RBPJ: variants seen among roughly 807,000 people sequenced by gnomAD.
RBPJ encodes the protein recombination signal binding protein for immunoglobulin kappa J region, also known as recombining binding protein suppressor of hairless.
Under a neutral mutation model 67.8 loss-of-function variants are expected in RBPJ, and 9 were observed. That is an observed-to-expected ratio of 0.13 (90% confidence interval 0.08 to 0.23). RBPJ has a LOEUF of 0.23. Among genes scored for constraint, RBPJ ranks in the 10% least tolerant of loss-of-function variants. The probability of loss-of-function intolerance (pLI) is 1.00; values close to 1 mark genes in which losing one functional copy is unlikely to be tolerated. For missense variants in RBPJ, 305 were observed against 595.6 expected (o/e 0.51, Z 5.08); for synonymous variants, 198 against 203.3 (o/e 0.97, Z 0.22).
intron 1 of RBPJ, among the ~76,000 whole-genome samples, chr4:26,291,767 G>T (rs1721678315): frequency 6.7e-6 from 1 of 150,356 alleles, no homozygotes; most frequent in African/African-American, 2.4e-5. Context: ...ATAGAGACAG[G>T]GTTTCACCAT....
intron 1 of RBPJ, among the ~76,000 whole-genome samples, chr4:26,225,982 T>C (rs1719061515): frequency 6.6e-6 from 1 of 151,712 alleles, no homozygotes. Flanking sequence ...ACCTTGTCTC[T>C]ACTAAAAATA....
rs71643604 is a variant in RBPJ at position 26,254,843 on chromosome 4, A to ATTTTTTTTTT, written c.-167+91257_-167+91266dup. ...CAGGTGCATGCCACCATGCCCAGCT[A>ATTTTTTTTTT]TTTTTTTTTTTTTTTTTTTTTTTTT... On this transcript the variant is annotated intron_variant, in intron 1 of 4. Transcript: ENST00000512351. 4.2e-4 allele frequency among the ~76,000 whole-genome samples: 7 copies of ATTTTTTTTTT among 16,548 alleles called. 3 individuals carry two copies. The highest frequency in any genetic ancestry group is 6.5e-4 in the Non-Finnish European group (6 of 9,214). 10.9% of individuals were successfully genotyped at this position (16,548 alleles called of 152,430 possible).
chr4:26,207,260 G>A (rs767062657), intron 1 of RBPJ, among the ~76,000 whole-genome samples: 6 of 152,106 alleles, frequency 3.9e-5, no homozygotes, highest in Admixed American at 6.6e-5. Flanking sequence ...TGAGCAAGCC[G>A]GGTTTAGGAT....
intron 1 of RBPJ, among the ~76,000 whole-genome samples, chr4:26,351,808 G>A (rs1021395470): frequency 4.6e-5 from 7 of 152,164 alleles, no homozygotes; most frequent in African/African-American, 1.2e-4. Flanking sequence ...TTGATAGTAC[G>A]TTTATGTACT....
intron 1 of RBPJ, among the ~76,000 whole-genome samples, chr4:26,171,196 G>A (rs375552088): frequency 4.6e-5 from 7 of 151,974 alleles, no homozygotes; most frequent in Admixed American, 1.3e-4. Context: ...TTTTTGTTTT[G>A]AGTTTCACAT....
chr4:26,249,051 G>A (rs1237475012), intron 1 of RBPJ, among the ~76,000 whole-genome samples: 2 of 152,166 alleles, frequency 1.3e-5, no homozygotes, highest in African/African-American at 4.8e-5. Context: ...TGTAGTAGTA[G>A]TCTTTTGCCT....
chr4:26,255,815 A>G (rs973972613), intron 1 of RBPJ, among the ~76,000 whole-genome samples: 11 of 151,572 alleles, frequency 7.3e-5, no homozygotes, highest in Non-Finnish European at 1.2e-4. Flanking sequence ...AAAAAAAAAA[A>G]AAAGAAAAGA....
chr4:26,431,184 TAAAAAAAAAA>T lies in RBPJ; in HGVS notation c.*195_*204del. On this transcript the variant is annotated 3_prime_UTR_variant, in exon 11 of 11. Transcript: ENST00000355476. ...CTGATTTGAAATGCAGAAGCCACAG[TAAAAAAAAAA>T]AAAAAAAAAAAAAAAAAGAAAAAAA... 1 of 39,578 alleles carries T rather than the reference TAAAAAAAAAA, an allele frequency of 2.5e-5. No individual in the cohort carries two copies. Among genetic ancestry groups the T allele is most frequent in the Non-Finnish European group, 5.0e-5 (1 of 20,060 alleles). The allele number at this position is 39,578 out of a possible 1,614,324, so 2.5% of individuals were successfully genotyped here.
At chr4:26,177,325 C>T (rs1716830547) in intron 1 of RBPJ, among the ~76,000 whole-genome samples, 1 of 152,128 alleles carries the variant, frequency 6.6e-6, no homozygotes, top group Admixed American at 6.5e-5. Context: ...CCTGTAATCC[C>T]AATACTTTGG....
At chr4:26,108,415 T>G in the RBPJ span, among the ~76,000 whole-genome samples, 1 of 152,172 alleles carries the variant, frequency 6.6e-6, no homozygotes, top group African/African-American at 2.4e-5. Context: ...TTCCATGATG[T>G]CAAAGCCTGG....
chr4:26,405,687 G>A (rs912718303), intron 2 of RBPJ, among the ~76,000 whole-genome samples: 3 of 152,112 alleles, frequency 2.0e-5, no homozygotes, highest in African/African-American at 7.2e-5. Flanking sequence ...GTCATTTTAG[G>A]ATCATGTAAT....
chr4:26,297,503 C>T (rs1877209), intron 1 of RBPJ, among the ~76,000 whole-genome samples: 23,129 of 151,858 alleles, frequency 0.15, 2,644 homozygotes, highest in African/African-American at 0.32. Context: ...TTCGCTTCCA[C>T]GTGTTATTGT....
chr4:26,179,077 AC>A (rs1716893551), intron 1 of RBPJ, among the ~76,000 whole-genome samples: 1 of 152,030 alleles, frequency 6.6e-6, no homozygotes, highest in Non-Finnish European at 1.5e-5. Context: ...TGCAGCGTGC[AC>A]CCTGTGGTGC....
intron 1 of RBPJ, among the ~76,000 whole-genome samples, chr4:26,166,298 C>T (rs1311596711): frequency 2.7e-5 from 3 of 113,108 alleles, no homozygotes; most frequent in Admixed American, 1.0e-4. Context: ...GCCACACTGA[C>T]TTCCACAATG....
intron 1 of RBPJ, among the ~76,000 whole-genome samples, chr4:26,283,427 C>G (rs1721347376): frequency 6.6e-6 from 1 of 150,914 alleles, no homozygotes; most frequent in African/African-American, 2.4e-5. Flanking sequence ...TGCCTGTAAT[C>G]CTAGCTGCTC....
chr4:26,273,346 A>G (rs140449303), intron 1 of RBPJ, among the ~76,000 whole-genome samples: 33 of 152,336 alleles, frequency 2.2e-4, no homozygotes, highest in African/African-American at 7.9e-4. Flanking sequence ...AAAGCCCCAC[A>G]GTAGTTACCA....
chr4:26,258,340 T>G (rs928876650), intron 1 of RBPJ, among the ~76,000 whole-genome samples: 6 of 152,238 alleles, frequency 3.9e-5, no homozygotes, highest in Non-Finnish European at 8.8e-5. Flanking sequence ...TATTTTCCAC[T>G]ATGTATTTTC....
At chr4:26,328,460 T>C (rs763719574) in intron 1 of RBPJ, among the ~76,000 whole-genome samples, 2 of 152,224 alleles carry the variant, frequency 1.3e-5, no homozygotes, top group Non-Finnish European at 2.9e-5. Context: ...TGGTAAGTGC[T>C]GTAACCGATA....
chr4:26,148,336 G>C, the RBPJ span, among the ~76,000 whole-genome samples: 4 of 152,238 alleles, frequency 2.6e-5, no homozygotes, highest in Non-Finnish European at 4.4e-5. Context: ...AGGTGGCTAT[G>C]AGTCTGGTGT....
Sources: allele counts gnomAD v4.1 joint callset (sites outside exome capture counted in the v4.1 genomes callset), GRCh38; gene constraint gnomAD v4.1.1; transcripts MANE v1.5; gene names NCBI Gene and HGNC (gene_info 2026-07-23, HGNC 2026-07-21).